PPP2R3B: variants seen among roughly 807,000 people sequenced by gnomAD.
PPP2R3B encodes protein phosphatase 2 regulatory subunit B''beta.
Under a neutral mutation model 72.9 loss-of-function variants are expected in PPP2R3B, and 68 were observed. The observed-to-expected ratio is 0.93, with a 90% CI of 0.77 to 1.14. PPP2R3B has a LOEUF of 1.14. PPP2R3B is among the 50% of genes most tolerant of loss of function. The probability of loss-of-function intolerance (pLI) is 0.00; values close to 1 mark genes in which losing one functional copy is unlikely to be tolerated. For synonymous variants in PPP2R3B, 466 were observed against 375.8 expected (o/e 1.24, Z -2.78); for missense variants, 1,018 against 842.0 (o/e 1.21, Z -2.59).
In PPP2R3B at chrX:361,559, G is replaced by C. The variant is rs200157354; in HGVS notation, c.356C>G (p.Pro119Arg). ...GGTCGGAATGCTTTGGCTCGTGGCCGGGGGCAGAGGCTCTTCTTTCCGTGT... is the reference window on the plus strand; with the variant it reads ...GGTCGGAATGCTTTGGCTCGTGGCCCGGGGCAGAGGCTCTTCTTTCCGTGT... ...VQTRKEEPLP[P>R]ATSQSIPTFY... Residue 119 changes from proline (P) to arginine (R), a missense_variant, in exon 2 of 13, where the codon CCG becomes CGG. Transcript: ENST00000390665. 6.2e-7 allele frequency: 1 copy of C among 1,613,588 alleles called. No homozygotes were observed. The highest frequency in any genetic ancestry group is 1.1e-5 in the South Asian group (1 of 91,082).
intron 10 of PPP2R3B, among the ~76,000 whole-genome samples, chrX:339,332 C>T (rs975153561): frequency 2.2e-5 from 3 of 136,970 alleles, no homozygotes; most frequent in Non-Finnish European, 3.2e-5. Flanking sequence ...AAGTGAAAGT[C>T]CCAGAGCTGG....
chrX:349,951 C>G (rs1401976467), intron 2 of PPP2R3B, among the ~76,000 whole-genome samples: 2 of 152,140 alleles, frequency 1.3e-5, no homozygotes, highest in Non-Finnish European at 2.9e-5. Context: ...CCCACAGAGT[C>G]CAGCAATCCC....
chrX:346,110 A>AG, intron 6 of PPP2R3B, 64 bp downstream of exon 6: 1 of 739,550 alleles, frequency 1.4e-6, no homozygotes, highest in Non-Finnish European at 1.9e-6. Flanking sequence ...AGGGAAGGGA[A>AG]GGGAGTGGAG....
At chrX:371,134 T>G (rs2071852643) in intron 1 of PPP2R3B, among the ~76,000 whole-genome samples, 2 of 151,910 alleles carry the variant, frequency 1.3e-5, no homozygotes, top group African/African-American at 4.8e-5. Flanking sequence ...CGAGAATCCC[T>G]GGGCAGGAGG....
intron 7 of PPP2R3B, chrX:344,766 G>A (rs1318292120): frequency 3.9e-6 from 1 of 256,052 alleles, no homozygotes; most frequent in East Asian, 1.0e-4. Flanking sequence ...TCAGGTGCGC[G>A]TCCGACGCAG....
intron 12 of PPP2R3B, chrX:336,151 C>T (rs182330228): frequency 4.6e-5 from 7 of 152,164 alleles, no homozygotes; most frequent in Admixed American, 3.3e-4. Context: ...CTGCGTGACA[C>T]AGCCAGACCC....
chrX:346,309 C>A (rs1478898383), intron 5 of PPP2R3B, 49 bp from the exon 6 acceptor site: 24 of 1,520,518 alleles, frequency 1.6e-5, no homozygotes, highest in Non-Finnish European at 2.1e-5. Context: ...CCCCAGGAGC[C>A]TCGCCCCGCA....
chrX:363,191 C>T (rs1222321277), intron 1 of PPP2R3B, among the ~76,000 whole-genome samples: 2 of 60,010 alleles, frequency 3.3e-5, no homozygotes, highest in Non-Finnish European at 7.8e-5. Flanking sequence ...ACCTCTGTGT[C>T]CTGGGGCAGG....
rs766105346 is a variant in PPP2R3B, at chrX:341,080, G to GC, written c.1176-141dup. The GC allele has an allele frequency of 3.5e-4, 421 of 1,215,440 alleles. 2 individuals are homozygous for GC. The East Asian group carries it at 9.7e-3, about 28-fold the overall frequency. 75.3% of individuals were successfully genotyped at this position (1,215,440 alleles called of 1,614,324 possible). ...CCCACCGGGCGTGCAGGCATCCCCTGCCCCCTGCCGCCCCCACCGGGCGCG... is the reference window on the plus strand; with the variant it reads ...CCCACCGGGCGTGCAGGCATCCCCTGCCCCCCTGCCGCCCCCACCGGGCGCG... On this transcript the variant is annotated intron_variant, in intron 9 of 12. Transcript: ENST00000390665.
chrX:363,451 C>T lies in PPP2R3B; in HGVS notation c.325-1861G>A, dbSNP rs36163777. ...CCCGCGATCCCACAATGCATCTCCC[C>T]GAGCCCACCATCCCACAATGCATCT... is the stretch of plus-strand genomic sequence containing the variant. On this transcript the variant is annotated intron_variant, in intron 1 of 12. Transcript: ENST00000390665. Among the ~76,000 whole-genome samples the T allele has an allele frequency of 3.8e-4, 52 of 137,132 alleles. No individual in the cohort carries two copies. In the East Asian group the frequency reaches 5.0e-3, roughly 13 times the overall value. 90.0% of individuals were successfully genotyped at this position (137,132 alleles called of 152,430 possible).
chrX:383,276 G>A (rs184533519), intron 1 of PPP2R3B, among the ~76,000 whole-genome samples: 19 of 152,166 alleles, frequency 1.2e-4, no homozygotes, highest in African/African-American at 4.3e-4. Flanking sequence ...AAGTAGAGAG[G>A]CTGGTCCATT....
Position 334,407 on chromosome X carries a change from T to TACAGGTCCA in PPP2R3B, c.1679_1687dup (p.Leu562_Tyr563insLeuAspLeu). The TACAGGTCCA allele has an allele frequency of 6.3e-7, 1 of 1,587,058 alleles. No homozygotes were observed. The highest frequency in any genetic ancestry group is 8.5e-7 in the Non-Finnish European group (1 of 1,173,114). ...GTCCTCGTCCCCGCATGCGTACTCG[T>TACAGGTCCA]ACAGGTCCACGGCGCCCAGCGGTGA... is the stretch of plus-strand genomic sequence containing the variant. On this transcript the variant is annotated inframe_insertion, in exon 13 of 13. Transcript: ENST00000390665.
In PPP2R3B at chrX:338,594, C is replaced by A; in HGVS notation, c.1577+10G>T. The A allele has an allele frequency of 1.9e-6, 3 of 1,592,426 alleles. No individual in the cohort carries two copies. Among genetic ancestry groups the A allele is most frequent in the Non-Finnish European group, 1.7e-6 (2 of 1,171,274 alleles). ...ACCCGTCCCCCCACTCACCCGTCCT[C>A]CCCACTCACCCGTCCTCCCAGGGCT... On this transcript the variant is annotated intron_variant, in intron 12 of 12. Transcript: ENST00000390665.
In PPP2R3B at chrX:334,344, C is replaced by G; in HGVS notation, c.*23G>C. On this transcript the variant is annotated 3_prime_UTR_variant, in exon 13 of 13. Transcript: ENST00000390665. Reference sequence around the variant, plus strand: ...TGGTGGCACGTGGGGAGCGGCCCCGCGGCGGCGTTCTCGCGGGCGGCGTCA... The same window carrying G: ...TGGTGGCACGTGGGGAGCGGCCCCGGGGCGGCGTTCTCGCGGGCGGCGTCA... The G allele has an allele frequency of 1.4e-6, 2 of 1,464,442 alleles. No homozygotes were observed. The highest frequency in any genetic ancestry group is 1.5e-5 in the African/African-American group (1 of 67,846). The allele number at this position is 1,464,442 out of a possible 1,614,324, so 90.7% of individuals were successfully genotyped here.
chrX:336,656 A>G (rs1369109620), intron 12 of PPP2R3B: 4 of 152,256 alleles, frequency 2.6e-5, no homozygotes, highest in African/African-American at 9.6e-5. Flanking sequence ...GAACCGACAG[A>G]GCTTTGAGAT....
chrX:373,230 C>A (rs779801086), intron 1 of PPP2R3B, among the ~76,000 whole-genome samples: 2 of 152,330 alleles, frequency 1.3e-5, no homozygotes, highest in African/African-American at 2.4e-5. Flanking sequence ...CACAGCAAGG[C>A]GCGCACTCAC....
At chrX:380,314 CCA>C in intron 1 of PPP2R3B, among the ~76,000 whole-genome samples, 1 of 152,272 alleles carries the variant, frequency 6.6e-6, no homozygotes, top group South Asian at 2.1e-4. Flanking sequence ...CATTGTCTTA[CCA>C]AGGACTTGCC....
intron 1 of PPP2R3B, among the ~76,000 whole-genome samples, chrX:384,299 C>CACTTT: frequency 7.5e-6 from 1 of 133,858 alleles, no homozygotes; most frequent in African/African-American, 2.8e-5. Context: ...TATATATATA[C>CACTTT]TTTTTTTTTT....
chrX:386,463 G>T lies in PPP2R3B; in HGVS notation c.229C>A (p.Pro77Thr). 1 of 1,287,702 alleles carries T rather than the reference G, an allele frequency of 7.8e-7. No homozygotes were observed. The allele number at this position is 1,287,702 out of a possible 1,614,324, so 79.8% of individuals were successfully genotyped here. ...AGGGGCAGCGCAGGGCCCGGCCCGG[G>T]GGTTCCCGGGGGTTCGAGCCCGCTG... is the stretch of plus-strand genomic sequence containing the variant. ...RPSGLEPPGT[P>T]GPGPALPLGA... Residue 77 changes from proline to threonine, a missense_variant, in exon 1 of 13, where the codon CCC becomes ACC. Transcript: ENST00000390665.
Sources: allele counts gnomAD v4.1 joint callset (sites outside exome capture counted in the v4.1 genomes callset), GRCh38; gene constraint gnomAD v4.1.1; transcripts MANE v1.5; gene names NCBI Gene and HGNC (gene_info 2026-07-23, HGNC 2026-07-21).